MIPOL1: variants seen among roughly 807,000 people sequenced by gnomAD.
MIPOL1 encodes the protein mirror-image polydactyly gene 1 protein.
In MIPOL1, 57 loss-of-function variants were observed where a neutral mutation model predicts 60.9. The ratio of observed to expected loss-of-function variants is 0.94; its 90% confidence interval spans 0.76 to 1.17. The LOEUF is 1.17. Ranked by LOEUF, MIPOL1 falls within the 50% of genes most tolerant of loss-of-function variation. MIPOL1 has a pLI of 0.00. For synonymous variants in MIPOL1, 179 were observed against 168.8 expected, an observed-to-expected ratio of 1.06 and a Z score of -0.47; for missense variants, 551 against 511.6, an observed-to-expected ratio of 1.08 and a Z score of -0.74.
At chr14:37,415,723 A>G (rs1287005188) in intron 10 of MIPOL1, among the ~76,000 whole-genome samples, 4 of 152,100 alleles carry the variant, frequency 2.6e-5, no homozygotes, top group African/African-American at 9.7e-5. Context: ...CTTGGGCCAT[A>G]ATTCCTGAGT....
chr14:37,512,294 G>A (rs969063145), intron 12 of MIPOL1, among the ~76,000 whole-genome samples: 7 of 9,078 alleles, frequency 7.7e-4, no homozygotes, highest in African/African-American at 5.3e-3. Context: ...ACGAGTAAGA[G>A]TCTGTAGTTC....
At chr14:37,308,131 A>G (rs768120485) in intron 8 of MIPOL1, 42 bp downstream of exon 8, 3 of 1,572,332 alleles carry the variant, frequency 1.9e-6, no homozygotes, top group Non-Finnish European at 1.7e-6. Context: ...TCAGTCTTAT[A>G]TCTTAGAGGC....
intron 11 of MIPOL1, among the ~76,000 whole-genome samples, chr14:37,434,751 A>T (rs2094135704): frequency 6.6e-6 from 1 of 151,056 alleles, no homozygotes; most frequent in Non-Finnish European, 1.5e-5. Context: ...CTTCTTCCTT[A>T]GGGGATCTCT....
chr14:37,213,748 C>G (rs147724622), intron 1 of MIPOL1, among the ~76,000 whole-genome samples: 19 of 152,026 alleles, frequency 1.2e-4, no homozygotes, highest in Admixed American at 1.2e-3. Context: ...CAGATTTAAC[C>G]CAAAGAAGAC....
At chr14:37,356,892 A>G (rs761696269) in intron 9 of MIPOL1, among the ~76,000 whole-genome samples, 2 of 152,208 alleles carry the variant, frequency 1.3e-5, no homozygotes, top group East Asian at 1.9e-4. Flanking sequence ...TGGGAGCTGT[A>G]GACCGGAGCT....
chr14:37,369,542 A>T lies in MIPOL1; in HGVS notation c.854A>T (p.His285Leu), dbSNP rs775541457. ...SKCKRLEQEL[H>L]HVKEQNQTSA... ...TGCAAACGGTTAGAGCAGGAGCTTC[A>T]TCATGTGAAAGAGCAGAACCAGACT... is the stretch of plus-strand genomic sequence containing the variant. The change falls in exon 10 of 13, where the codon CAT (histidine) becomes CTT (leucine). Residue 285 changes from histidine (H) to leucine (L), a missense_variant. Coordinates refer to ENST00000684589, the MANE Select transcript of MIPOL1 (RefSeq NM_001388067.1). 1 of 1,613,190 alleles carries T rather than the reference A, an allele frequency of 6.2e-7. No homozygotes were observed. Among genetic ancestry groups the T allele is most frequent in the Non-Finnish European group, 8.5e-7 (1 of 1,179,384 alleles).
At chr14:37,260,737 A>G (rs2082464958) in intron 3 of MIPOL1, among the ~76,000 whole-genome samples, 1 of 152,120 alleles carries the variant, frequency 6.6e-6, no homozygotes, top group South Asian at 2.1e-4. Context: ...ATACAAATTT[A>G]AAAAGCCCTG....
chr14:37,509,865 G>C (rs906443109), intron 12 of MIPOL1, among the ~76,000 whole-genome samples: 23 of 151,400 alleles, frequency 1.5e-4, no homozygotes, highest in Admixed American at 4.0e-4. Flanking sequence ...GTACATATAT[G>C]TAGGCATTTT....
At chr14:37,200,858 G>C (rs1369896976) in intron 1 of MIPOL1, among the ~76,000 whole-genome samples, 23 of 67,750 alleles carry the variant, frequency 3.4e-4, no homozygotes, top group African/African-American at 2.4e-3. Context: ...CTATGTGTGT[G>C]TGTGTGTGTG....
At chr14:37,309,220 G>A (rs2087071334) in intron 9 of MIPOL1, among the ~76,000 whole-genome samples, 2 of 151,438 alleles carry the variant, frequency 1.3e-5, no homozygotes, top group Admixed American at 1.3e-4. Flanking sequence ...CTCCTCCCTC[G>A]ACCTCCCAAA....
At chr14:37,214,874 A>G (rs1432738216) in intron 1 of MIPOL1, among the ~76,000 whole-genome samples, 1 of 152,050 alleles carries the variant, frequency 6.6e-6, no homozygotes, top group Non-Finnish European at 1.5e-5. Flanking sequence ...AGACTGGGAA[A>G]GGGAGTCTCC....
intron 7 of MIPOL1, among the ~76,000 whole-genome samples, chr14:37,304,324 C>T (rs2086599625): frequency 1.3e-5 from 2 of 151,424 alleles, no homozygotes; most frequent in East Asian, 3.9e-4. Flanking sequence ...GGCTTTAATG[C>T]TTTTTCTCTT....
At chr14:37,483,593 A>G (rs777612678) in intron 11 of MIPOL1, among the ~76,000 whole-genome samples, 1 of 152,152 alleles carries the variant, frequency 6.6e-6, no homozygotes, top group Non-Finnish European at 1.5e-5. Context: ...AAATAGAATT[A>G]TATGATCCAG....
intron 9 of MIPOL1, among the ~76,000 whole-genome samples, chr14:37,344,709 G>A (rs1034285071): frequency 6.6e-6 from 1 of 151,996 alleles, no homozygotes; most frequent in Non-Finnish European, 1.5e-5. Flanking sequence ...CTTATCTATT[G>A]TTTGATTAAC....
Position 37,551,251 on chromosome 14 carries a change from C to T in MIPOL1, c.*4280C>T, listed in dbSNP as rs1471684232. ...TGTACTCAAATAAAATCCCCTATTG[C>T]AAATCCTATACATATTTCAATGCAA... is the stretch of plus-strand genomic sequence containing the variant. On this transcript the variant is annotated 3_prime_UTR_variant, in exon 13 of 13. Transcript: ENST00000684589. 1.1e-4 allele frequency: 17 copies of T among 151,976 alleles called. No individual in the cohort carries two copies. The highest frequency in any genetic ancestry group is 9.8e-4 in the Admixed American group (15 of 15,254). 9.4% of individuals were successfully genotyped at this position (151,976 alleles called of 1,614,324 possible). A position where few individuals can be genotyped will look rare whatever the true frequency, so the allele number is the denominator to read the frequency against.
chr14:37,410,471 AATTTTTACAATTTCAG>A (rs1384270374), intron 10 of MIPOL1, among the ~76,000 whole-genome samples: 3 of 152,168 alleles, frequency 2.0e-5, no homozygotes, highest in African/African-American at 7.2e-5. Context: ...CTAAAAACTG[AATTTTTACAATTTCAG>A]AATTGTATTA....
intron 10 of MIPOL1, among the ~76,000 whole-genome samples, chr14:37,382,850 A>G (rs1389200118): frequency 6.6e-6 from 1 of 151,970 alleles, no homozygotes; most frequent in Non-Finnish European, 1.5e-5. Flanking sequence ...GGCATCTTGG[A>G]AAATCACTCT....
chr14:37,378,864 A>C (rs1950517), intron 10 of MIPOL1, among the ~76,000 whole-genome samples: 100,976 of 151,914 alleles, frequency 0.66, 33,663 homozygotes, highest in African/African-American at 0.69. Context: ...AAAGGCACTA[A>C]GACTATATGA....
chr14:37,467,416 C>T (rs1212951449), intron 11 of MIPOL1, among the ~76,000 whole-genome samples: 2 of 152,144 alleles, frequency 1.3e-5, no homozygotes, highest in East Asian at 1.9e-4. Flanking sequence ...AAATCATCAA[C>T]AAAATTATGA....
Sources: allele counts gnomAD v4.1 joint callset (sites outside exome capture counted in the v4.1 genomes callset), GRCh38; gene constraint gnomAD v4.1.1; transcripts MANE v1.5; gene names NCBI Gene and HGNC (gene_info 2026-07-23, HGNC 2026-07-21).